The following ZFAND3 variants were observed in gnomAD, a reference collection of about 807,000 sequenced individuals.
ZFAND3 encodes the protein AN1-type zinc finger protein 3.
ZFAND3 carries 10 observed loss-of-function variants against 29.6 expected under a neutral mutation model. The ratio of observed to expected loss-of-function variants is 0.34; its 90% CI spans 0.21 to 0.57. The LOEUF is 0.57. ZFAND3 is among the 20% of genes least tolerant of loss of function. The probability of loss-of-function intolerance (pLI) is 0.86; values close to 1 mark genes in which losing one functional copy is unlikely to be tolerated. For missense variants in ZFAND3, 230 were observed against 304.5 expected (o/e 0.76, Z 1.82); for synonymous variants, 128 against 112.6 (o/e 1.14, Z -0.87).
intron 1 of ZFAND3, among the ~76,000 whole-genome samples, chr6:37,832,413 T>C (rs986402678): frequency 6.6e-6 from 1 of 152,232 alleles, no homozygotes; most frequent in African/African-American, 2.4e-5. Context: ...TGAATTCATC[T>C]ATTCCTAAAT....
intron 2 of ZFAND3, among the ~76,000 whole-genome samples, chr6:38,030,051 G>GAGAT (rs1227273946): frequency 1.1e-5 from 1 of 94,988 alleles, no homozygotes; most frequent in African/African-American, 4.9e-5. Context: ...AGTTCTGCTG[G>GAGAT]ATATATATAT....
At chr6:37,924,304 C>T (rs1269777817) in intron 1 of ZFAND3, among the ~76,000 whole-genome samples, 1 of 135,114 alleles carries the variant, frequency 7.4e-6, no homozygotes, top group African/African-American at 2.7e-5. Context: ...CAAATATCTA[C>T]TTAAGTGCTT....
intron 1 of ZFAND3, among the ~76,000 whole-genome samples, chr6:37,833,500 T>C (rs1425414774): frequency 6.6e-6 from 1 of 152,050 alleles, no homozygotes; most frequent in Non-Finnish European, 1.5e-5. Context: ...ACTGCAAACA[T>C]TTCAAGTGTG....
At chr6:37,883,434 G>A (rs756101022) in intron 1 of ZFAND3, among the ~76,000 whole-genome samples, 28 of 148,516 alleles carry the variant, frequency 1.9e-4, no homozygotes, top group Non-Finnish European at 3.7e-4. Context: ...GCTGTTGAAC[G>A]TATAGAAAGT....
intron 1 of ZFAND3, among the ~76,000 whole-genome samples, chr6:37,828,297 T>TTA (rs1171463231): frequency 2.0e-5 from 3 of 151,918 alleles, no homozygotes; most frequent in Admixed American, 6.6e-5. Flanking sequence ...ACTGGAAGAG[T>TTA]GGAGGCAGGA....
intron 1 of ZFAND3, among the ~76,000 whole-genome samples, chr6:37,841,518 C>T (rs971352573): frequency 2.6e-5 from 4 of 152,154 alleles, no homozygotes; most frequent in Non-Finnish European, 5.9e-5. Flanking sequence ...GAGCCTGGCT[C>T]TGTTGCCCAG....
chr6:38,109,405 A>T (rs1385358772), intron 4 of ZFAND3, among the ~76,000 whole-genome samples: 2 of 152,004 alleles, frequency 1.3e-5, no homozygotes, highest in African/African-American at 4.8e-5. Flanking sequence ...GATGGTCTCA[A>T]TCCCTTGACT....
chr6:37,934,529 T>TAA lies in ZFAND3; in HGVS notation c.112+4549_112+4550dup, dbSNP rs34477813. ...TTTATCTGAGGTCATTTAGTCTATT[T>TAA]AAAAAAAAAAAAAAAAAAAAGTCCA... is the stretch of plus-strand genomic sequence containing the variant. On this transcript the variant is annotated intron_variant, in intron 2 of 5. Transcript: ENST00000287218. Among the ~76,000 whole-genome samples, 746 of 125,334 alleles carry TAA rather than the reference T, an allele frequency of 6.0e-3. 7 individuals carry two copies. Among genetic ancestry groups the TAA allele is most frequent in the African/African-American group, 0.018 (597 of 33,078 alleles). The allele number at this position is 125,334 out of a possible 152,430, so 82.2% of individuals were successfully genotyped here. A position where few individuals can be genotyped will look rare whatever the true frequency, so the allele number is the denominator to read the frequency against.
rs1554157844 is a variant in ZFAND3 at position 37,914,672 on chromosome 6, C to CTTTTTTTTCTTTTT, written c.72-15279_72-15278insCTTTTTTTTTTTTT. Among the ~76,000 whole-genome samples the CTTTTTTTTCTTTTT allele has an allele frequency of 1.8e-5, 2 of 114,208 alleles. 1 individual carries two copies. The highest frequency in any genetic ancestry group is 7.1e-5 in the African/African-American group (2 of 27,978). 74.9% of individuals were successfully genotyped at this position (114,208 alleles called of 152,430 possible). On this transcript the variant is annotated intron_variant, in intron 1 of 5. Coordinates refer to ENST00000287218, the MANE Select transcript of ZFAND3 (RefSeq NM_021943.3). ...TTTCTTTCTTTCTTTCTTTTTTTTT[C>CTTTTTTTTCTTTTT]TTTTTTTTTTAGTGGAGACGGGGTT...
intron 2 of ZFAND3, among the ~76,000 whole-genome samples, chr6:37,994,466 T>A (rs1762815240): frequency 6.6e-6 from 1 of 152,174 alleles, no homozygotes; most frequent in African/African-American, 2.4e-5. Flanking sequence ...ATTACTTTTC[T>A]CTCAGAAATT....
intron 4 of ZFAND3, among the ~76,000 whole-genome samples, chr6:38,085,954 A>G (rs1258257129): frequency 2.0e-5 from 3 of 152,202 alleles, no homozygotes. Context: ...TGATTGATTA[A>G]TCAGTCACCA....
intron 2 of ZFAND3, among the ~76,000 whole-genome samples, chr6:38,055,476 T>A (rs1156394224): frequency 6.6e-6 from 1 of 152,140 alleles, no homozygotes; most frequent in Non-Finnish European, 1.5e-5. Context: ...GCTCTAGCAT[T>A]TGTTAAGGAG....
At chr6:37,955,762 A>G (rs1384082934) in intron 2 of ZFAND3, among the ~76,000 whole-genome samples, 1 of 152,228 alleles carries the variant, frequency 6.6e-6, no homozygotes, top group African/African-American at 2.4e-5. Flanking sequence ...ACTTTACCTC[A>G]GGGCAAATCA....
intron 2 of ZFAND3, among the ~76,000 whole-genome samples, chr6:37,984,912 TG>T (rs1762640453): frequency 6.6e-6 from 1 of 152,224 alleles, no homozygotes; most frequent in South Asian, 2.1e-4. Context: ...TACGTGTTCA[TG>T]GGGCTACTGC....
intron 5 of ZFAND3, among the ~76,000 whole-genome samples, chr6:38,137,631 TGGGA>T (rs1237797293): frequency 6.6e-6 from 1 of 152,000 alleles, no homozygotes; most frequent in Non-Finnish European, 1.5e-5. Flanking sequence ...TAATTTCTGA[TGGGA>T]GCAGGAGATA....
chr6:37,886,901 G>A (rs1765005055), intron 1 of ZFAND3, among the ~76,000 whole-genome samples: 1 of 152,190 alleles, frequency 6.6e-6, no homozygotes, highest in Non-Finnish European at 1.5e-5. Context: ...CTACTCAGGA[G>A]GCTTAGGCAC....
intron 2 of ZFAND3, among the ~76,000 whole-genome samples, chr6:38,026,905 C>T (rs998752089): frequency 3.3e-5 from 5 of 150,204 alleles, no homozygotes; most frequent in Middle Eastern, 3.4e-3. Context: ...AGCTAATTTA[C>T]TCTTTACAGA....
At chr6:37,876,388 TAGTGGTA>T (rs1417258858) in intron 1 of ZFAND3, among the ~76,000 whole-genome samples, 1 of 152,176 alleles carries the variant, frequency 6.6e-6, no homozygotes, top group Non-Finnish European at 1.5e-5. Context: ...ACCTACGTGT[TAGTGGTA>T]AGTGAAGTCA....
At chr6:37,996,817 T>C (rs1182505094) in intron 2 of ZFAND3, among the ~76,000 whole-genome samples, 1 of 152,230 alleles carries the variant, frequency 6.6e-6, no homozygotes, top group Non-Finnish European at 1.5e-5. Context: ...TTCCCATGTT[T>C]CTATTTTGTT....
Sources: gnomAD v4.1 joint callset for allele counts (sites outside exome capture counted in the v4.1 genomes callset) on GRCh38, gnomAD v4.1.1 for gene constraint, MANE v1.5 for transcripts, NCBI Gene and HGNC (gene_info 2026-07-23, HGNC 2026-07-21) for gene names.